The following GALM variants were observed in gnomAD, a reference collection of about 807,000 sequenced individuals.
The protein encoded by GALM is galactose mutarotase.
A neutral mutation model predicts 37.4 loss-of-function variants in GALM; 43 were observed. The observed-to-expected ratio is 1.15, with a 90% CI of 0.90 to 1.48. The LOEUF (loss-of-function observed/expected upper bound fraction) is 1.48. Ranked by LOEUF, GALM falls within the 40% of genes most tolerant of loss-of-function variation. The pLI, the probability that GALM is intolerant of heterozygous loss-of-function variation, is 0.00. For synonymous variants in GALM, 199 were observed against 170.6 expected (o/e 1.17, Z -1.30); for missense variants, 456 against 419.1 (o/e 1.09, Z -0.77).
rs561197160 is a variant in GALM at position 38,679,051 on chromosome 2, A to G, written c.346-2229A>G. On this transcript the variant is annotated intron_variant, in intron 2 of 6. Coordinates refer to ENST00000272252, the MANE Select transcript of GALM (RefSeq NM_138801.3). ...GCCCAGGCTGGAGTGCAGTGGCGCA[A>G]TCTTGGCTCACTACAACCTCCACTT... 1.5e-3 allele frequency among the ~76,000 whole-genome samples: 229 copies of G among 152,248 alleles called. 1 individual carries two copies. The highest frequency in any genetic ancestry group is 5.1e-3 in the African/African-American group (210 of 41,554).
intron 4 of GALM, among the ~76,000 whole-genome samples, chr2:38,693,012 G>A (rs891698731): frequency 2.6e-5 from 4 of 152,164 alleles, no homozygotes; most frequent in Admixed American, 2.6e-4. Flanking sequence ...TCTGTACCAG[G>A]CTCTGTGGAA....
chr2:38,716,277 G>C (rs962979132), intron 4 of GALM, among the ~76,000 whole-genome samples: 2 of 152,216 alleles, frequency 1.3e-5, no homozygotes, highest in Non-Finnish European at 2.9e-5. Context: ...TGTTGTGTAC[G>C]TGTTCAAGAG....
At chr2:38,715,969 G>A (rs1376988854) in intron 4 of GALM, among the ~76,000 whole-genome samples, 3 of 152,190 alleles carry the variant, frequency 2.0e-5, no homozygotes, top group African/African-American at 7.2e-5. Flanking sequence ...AATTTATACA[G>A]CAAAGAAAGC....
intron 5 of GALM, among the ~76,000 whole-genome samples, chr2:38,730,749 C>T (rs1442142166): frequency 6.6e-5 from 10 of 150,958 alleles, no homozygotes; most frequent in East Asian, 2.0e-4. Context: ...GGTGAAACGC[C>T]GTCTCTACTA....
In GALM at chr2:38,681,351, C is replaced by T. The variant is rs1484910582; in HGVS notation, c.417C>T (p.Gly139=). ...FSRISPDGEE[G]YPGELKVWVT... is the part of the protein sequence containing the mutation. The stretch of plus-strand genomic sequence containing the variant: ...GCATCAGTCCAGATGGTGAAGAAGG[C>T]TACCCCGGAGAGTTAAAAGTCTGGG... The change falls in exon 3 of 7, where the codon GGC becomes GGT. Residue 139 remains glycine, a synonymous_variant. Transcript: ENST00000272252. 1 of 1,614,102 alleles carries T rather than the reference C, an allele frequency of 6.2e-7. No homozygotes were observed. Among genetic ancestry groups the T allele is most frequent in the Non-Finnish European group, 8.5e-7 (1 of 1,180,014 alleles).
chr2:38,715,060 T>G (rs1005600451), intron 4 of GALM, among the ~76,000 whole-genome samples: 2 of 152,198 alleles, frequency 1.3e-5, no homozygotes, highest in Non-Finnish European at 2.9e-5. Flanking sequence ...TGAATACATA[T>G]TTACAATTGT....
chr2:38,719,428 C>T (rs1260626730), intron 4 of GALM, among the ~76,000 whole-genome samples: 1 of 149,080 alleles, frequency 6.7e-6, no homozygotes, highest in Non-Finnish European at 1.5e-5. Flanking sequence ...GAGATCACGC[C>T]ACTGCACTGC....
chr2:38,731,617 A>G (rs534224465), intron 5 of GALM, 118 bp from the exon 6 acceptor site: 142 of 744,418 alleles, frequency 1.9e-4, no homozygotes, highest in South Asian at 3.2e-4. Context: ...TCTCCTCCTT[A>G]TATCTTGTCC....
intron 4 of GALM, among the ~76,000 whole-genome samples, chr2:38,690,728 C>T (rs554790873): frequency 5.3e-5 from 8 of 152,264 alleles, no homozygotes; most frequent in African/African-American, 1.2e-4. Context: ...CCACTGCGCC[C>T]GGCCACTTTG....
intron 4 of GALM, among the ~76,000 whole-genome samples, chr2:38,705,263 A>T (rs1297769771): frequency 2.0e-5 from 3 of 152,168 alleles, no homozygotes; most frequent in Non-Finnish European, 4.4e-5. Context: ...GAAGGGGCTT[A>T]GTGGGACTGT....
intron 4 of GALM, among the ~76,000 whole-genome samples, chr2:38,694,906 A>C (rs1345669184): frequency 6.6e-6 from 1 of 151,152 alleles, no homozygotes. Flanking sequence ...CAAAAAAAAA[A>C]AAAAAACAAA....
At chr2:38,667,558 A>C (rs977003354) in intron 1 of GALM, among the ~76,000 whole-genome samples, 1 of 152,004 alleles carries the variant, frequency 6.6e-6, no homozygotes, top group Non-Finnish European at 1.5e-5. Flanking sequence ...TGGCAGAGCG[A>C]AACTCTATCT....
chr2:38,725,918 C>CAG, intron 4 of GALM, among the ~76,000 whole-genome samples: 1 of 151,872 alleles, frequency 6.6e-6, no homozygotes, highest in African/African-American at 2.4e-5. Context: ...CGCCATGTTG[C>CAG]CCAGGCTGGT....
chr2:38,733,584 T>A lies in GALM; in HGVS notation c.*19T>A, dbSNP rs1319225678. On this transcript the variant is annotated 3_prime_UTR_variant, in exon 7 of 7. Coordinates refer to ENST00000272252, the MANE Select transcript of GALM (RefSeq NM_138801.3). ...GGCTTAAGGAAGTGTGAAGATATGATCCAGTCCAGGGCTAGGCTCAGCCAC... is the reference window on the plus strand; with the variant it reads ...GGCTTAAGGAAGTGTGAAGATATGAACCAGTCCAGGGCTAGGCTCAGCCAC... The A allele has an allele frequency of 6.3e-7, 1 of 1,591,504 alleles. No individual in the cohort carries two copies.
chr2:38,710,753 CTTTTT>C (rs531054454), intron 4 of GALM, among the ~76,000 whole-genome samples: 1 of 133,422 alleles, frequency 7.5e-6, no homozygotes, highest in African/African-American at 2.7e-5. Context: ...TCATTTCCTT[CTTTTT>C]TTTTTTTTTT....
intron 4 of GALM, among the ~76,000 whole-genome samples, chr2:38,692,335 C>T (rs956646150): frequency 6.6e-6 from 1 of 152,184 alleles, no homozygotes; most frequent in Non-Finnish European, 1.5e-5. Flanking sequence ...TGCTACCCTG[C>T]ACTTTAGGAA....
intron 2 of GALM, among the ~76,000 whole-genome samples, chr2:38,678,042 G>GTTTTGCTT (rs1421934292): frequency 3.4e-5 from 5 of 147,968 alleles, no homozygotes; most frequent in Non-Finnish European, 6.0e-5. Context: ...TTGAGGCAGA[G>GTTTTGCTT]TTTTGCTTTC....
chr2:38,677,548 G>A (rs1447626816), intron 2 of GALM, among the ~76,000 whole-genome samples: 1 of 152,194 alleles, frequency 6.6e-6, no homozygotes, highest in Non-Finnish European at 1.5e-5. Flanking sequence ...CCCAACCAGA[G>A]AAAGTAAGGC....
chr2:38,670,035 G>A (rs1235753390), intron 1 of GALM, among the ~76,000 whole-genome samples: 1 of 151,130 alleles, frequency 6.6e-6, no homozygotes, highest in Non-Finnish European at 1.5e-5. Flanking sequence ...GCTAATTTTT[G>A]TATTTTTAGT....
Sources: allele counts gnomAD v4.1 joint callset (sites outside exome capture counted in the v4.1 genomes callset), GRCh38; gene constraint gnomAD v4.1.1; transcripts MANE v1.5; gene names NCBI Gene and HGNC (gene_info 2026-07-23, HGNC 2026-07-21).